Variants in LRRK2 observed in about 807,000 individuals in gnomAD.
LRRK2 encodes leucine rich repeat kinase 2, also known as leucine-rich repeat serine/threonine-protein kinase 2.
LRRK2 carries 203 observed loss-of-function variants against 302.6 expected under a neutral mutation model. The observed-to-expected ratio is 0.67, with a 90% CI of 0.60 to 0.75. The LOEUF (loss-of-function observed/expected upper bound fraction) is 0.75. Ranked by LOEUF, LRRK2 falls within the 30% of genes least tolerant of loss-of-function variation. The pLI is 0.00. For missense variants in LRRK2, 2,830 were observed against 2,951.0 expected (o/e 0.96, Z 0.95); for synonymous variants, 1,066 against 1,031.9 (o/e 1.03, Z -0.63).
chr12:40,257,408 A>G (rs767331857), intron 12 of LRRK2, 31 bp downstream of exon 12: 5 of 1,601,338 alleles, frequency 3.1e-6, no homozygotes, highest in South Asian at 1.1e-5. Context: ...TGTACAGAAT[A>G]TATCATATTG....
At chr12:40,276,137 T>C (rs11564129) in intron 16 of LRRK2, among the ~76,000 whole-genome samples, 13,129 of 152,236 alleles carry the variant, frequency 0.086, 903 homozygotes, top group Non-Finnish European at 0.11. Flanking sequence ...CAAGATAGGA[T>C]TGATTAAAAG....
intron 5 of LRRK2, 136 bp downstream of exon 5, chr12:40,238,239 AG>A: frequency 2.3e-6 from 2 of 874,724 alleles, no homozygotes; most frequent in South Asian, 3.4e-5. Flanking sequence ...TTGTCTGTCA[AG>A]GGTGAGGAAT....
At chr12:40,253,226 C>G (rs1045482210) in intron 11 of LRRK2, among the ~76,000 whole-genome samples, 1 of 151,832 alleles carries the variant, frequency 6.6e-6, no homozygotes. Context: ...GTATATTTTT[C>G]CGGACTTCTA....
chr12:40,277,808 A>G (rs1460503423), intron 16 of LRRK2, 80 bp from the exon 17 acceptor site: 3 of 1,328,766 alleles, frequency 2.3e-6, no homozygotes, highest in African/African-American at 1.5e-5. Context: ...TGTTTCATAT[A>G]CAAACTCTCT....
intron 7 of LRRK2, among the ~76,000 whole-genome samples, chr12:40,247,017 A>G (rs538993641): frequency 2.6e-5 from 4 of 152,158 alleles, no homozygotes; most frequent in Admixed American, 2.6e-4. Context: ...ACATTTTCTC[A>G]AAAGGATAAC....
intron 6 of LRRK2, among the ~76,000 whole-genome samples, chr12:40,243,039 G>A (rs1375724245): frequency 3.3e-5 from 5 of 150,440 alleles, no homozygotes. Flanking sequence ...CAAGAAAACT[G>A]ACCAACAAGA....
chr12:40,284,100 C>G lies in LRRK2; in HGVS notation c.2467C>G (p.Pro823Ala), dbSNP rs1943816450. 1.2e-6 allele frequency: 2 copies of G among 1,611,414 alleles called. No individual in the cohort carries two copies. The highest frequency in any genetic ancestry group is 3.3e-4 in the Middle Eastern group (2 of 6,048). ...ACCTTCTTGGCTTGGTCCTTTATTTCCAGATAAGACTTCTAATTTAAGGAA... is the reference window on the plus strand; with the variant it reads ...ACCTTCTTGGCTTGGTCCTTTATTTGCAGATAAGACTTCTAATTTAAGGAA... ...VEPSWLGPLFPDKTSNLRKQT... is the reference protein window; with the variant it reads ...VEPSWLGPLFADKTSNLRKQT... Residue 823 changes from proline (P) to alanine (A), a missense_variant, in exon 19 of 51, where the codon CCA becomes GCA. This residue lies in a region of LRRK2 where 2,121 missense variants were observed against 2,148.0 expected (regional missense o/e 0.99). Transcript: ENST00000298910.
intron 41 of LRRK2, among the ~76,000 whole-genome samples, chr12:40,344,926 G>A (rs930334098): frequency 3.3e-5 from 5 of 151,876 alleles, no homozygotes; most frequent in Non-Finnish European, 7.4e-5. Context: ...CATATATGTG[G>A]GGAAATGTTA....
In LRRK2 at chr12:40,274,510, A is replaced by G. The variant is rs187800895; in HGVS notation, c.1657-73A>G. 133 of 1,454,194 alleles carry G rather than the reference A, an allele frequency of 9.1e-5. 1 individual carries two copies. The East Asian group carries it at 2.8e-3, about 31-fold the overall frequency. 90.1% of individuals were successfully genotyped at this position (1,454,194 alleles called of 1,614,324 possible). ...TGGATTACTTGATTTATATTTTGTC[A>G]GTCTATAACTGGTCTTAACTAAGGT... On this transcript the variant is annotated intron_variant, in intron 14 of 50. Coordinates refer to ENST00000298910, the MANE Select transcript of LRRK2 (RefSeq NM_198578.4).
intron 2 of LRRK2, among the ~76,000 whole-genome samples, chr12:40,226,516 C>A (rs1940896154): frequency 6.6e-6 from 1 of 152,134 alleles, no homozygotes; most frequent in Non-Finnish European, 1.5e-5. Context: ...GCATCTCAAT[C>A]TTTAAAGTGG....
chr12:40,304,283 G>C (rs1944730608), intron 27 of LRRK2, 149 bp downstream of exon 27: 2 of 705,614 alleles, frequency 2.8e-6, no homozygotes, highest in Non-Finnish European at 4.6e-6. Flanking sequence ...TATAAATCCA[G>C]ATTTCCATTA....
intron 33 of LRRK2, among the ~76,000 whole-genome samples, chr12:40,319,620 T>G (rs1565747548): frequency 6.6e-6 from 1 of 152,090 alleles, no homozygotes; most frequent in Non-Finnish European, 1.5e-5. Flanking sequence ...CCTGTATTGA[T>G]AACTGTCTGG....
chr12:40,332,252 C>T (rs1592300293), intron 39 of LRRK2, among the ~76,000 whole-genome samples: 1 of 152,242 alleles, frequency 6.6e-6, no homozygotes, highest in East Asian at 1.9e-4. Context: ...AGTCCAGGGG[C>T]TGCATGGGTG....
At chr12:40,271,301 G>A (rs1008329824) in intron 14 of LRRK2, among the ~76,000 whole-genome samples, 1 of 152,066 alleles carries the variant, frequency 6.6e-6, no homozygotes, top group Non-Finnish European at 1.5e-5. Flanking sequence ...AAGAATAAAG[G>A]GAGAAAACAA....
At chr12:40,247,438 A>G (rs994547982) in intron 7 of LRRK2, among the ~76,000 whole-genome samples, 2 of 148,486 alleles carry the variant, frequency 1.3e-5, no homozygotes, top group African/African-American at 2.5e-5. Context: ...ATCTACTTAT[A>G]TACTGTATAT....
At chr12:40,287,924 G>T (rs1943992101) in intron 20 of LRRK2, among the ~76,000 whole-genome samples, 1 of 151,818 alleles carries the variant, frequency 6.6e-6, no homozygotes, top group South Asian at 2.1e-4. Flanking sequence ...TAAAATGTCT[G>T]CAACAATGCT....
At chr12:40,277,790 C>T (rs181169391) in intron 16 of LRRK2, 98 bp from the exon 17 acceptor site, 24 of 1,119,710 alleles carry the variant, frequency 2.1e-5, no homozygotes, top group Admixed American at 8.6e-5. Flanking sequence ...AATGAACATC[C>T]TAGGTATTGT....
intron 13 of LRRK2, among the ~76,000 whole-genome samples, chr12:40,263,377 C>T (rs2136539176): frequency 7.5e-6 from 1 of 133,106 alleles, no homozygotes; most frequent in South Asian, 2.6e-4. Context: ...TCCAGCTACT[C>T]TTTTTTGTCT....
chr12:40,257,409 T>C (rs369132153), intron 12 of LRRK2, 32 bp downstream of exon 12: 32 of 1,600,570 alleles, frequency 2.0e-5, no homozygotes, highest in Non-Finnish European at 2.7e-5. Flanking sequence ...GTACAGAATA[T>C]ATCATATTGG....
Sources: allele counts gnomAD v4.1 joint callset (sites outside exome capture counted in the v4.1 genomes callset), GRCh38; gene constraint gnomAD v4.1.1; regional missense constraint gnomAD v4.1.1; transcripts MANE v1.5; gene names NCBI Gene and HGNC (gene_info 2026-07-23, HGNC 2026-07-21).